The following PCDHGB4 variants were observed in gnomAD, a reference collection of about 807,000 sequenced individuals.
PCDHGB4 encodes protocadherin gamma-B4.
A neutral mutation model predicts 60.5 loss-of-function variants in PCDHGB4; 38 were observed. The ratio of observed to expected loss-of-function variants is 0.63; its 90% CI spans 0.48 to 0.82. The LOEUF is 0.82. PCDHGB4 is among the 40% of genes least tolerant of loss of function. PCDHGB4 has a pLI of 0.00. For synonymous variants in PCDHGB4, 456 were observed against 509.7 expected (o/e 0.89, Z 1.42); for missense variants, 1,109 against 1,209.6 (o/e 0.92, Z 1.23).
intron 2 of PCDHGB4, among the ~76,000 whole-genome samples, chr5:141,500,705 T>A (rs1169100560): frequency 6.6e-6 from 1 of 152,220 alleles, no homozygotes; most frequent in Non-Finnish European, 1.5e-5. Context: ...TTGCAGTGTA[T>A]CATGAGAATT....
chr5:141,419,010 G>A (rs2096312778), intron 1 of PCDHGB4: 2 of 1,613,866 alleles, frequency 1.2e-6, no homozygotes, highest in Non-Finnish European at 8.5e-7. Flanking sequence ...GAAGTCAGGT[G>A]TAGCTTAAGT....
chr5:141,509,046 C>T (rs1442220429), intron 3 of PCDHGB4, among the ~76,000 whole-genome samples: 1 of 152,160 alleles, frequency 6.6e-6, no homozygotes, highest in Non-Finnish European at 1.5e-5. Flanking sequence ...CTCTCCCCCG[C>T]CCCCAGAAAG....
chr5:141,431,012 G>A lies in PCDHGB4; in HGVS notation c.2397+40731G>A. On this transcript the variant is annotated intron_variant, in intron 1 of 3. Coordinates refer to ENST00000519479, the MANE Select transcript of PCDHGB4 (RefSeq NM_003736.4). This position sits in a 1 kb window ranked among gnomAD's most constrained non-coding sequence, Gnocchi z 4.8. The stretch of plus-strand genomic sequence containing the variant: ...CCTGAATCCGCGCAGCGGCAGCTTG[G>A]TCACGGCGGGCAGGATAGACCGGGA... 1 of 1,613,314 alleles carries A rather than the reference G, an allele frequency of 6.2e-7. No individual in the cohort carries two copies. Among genetic ancestry groups the A allele is most frequent in the South Asian group, 1.1e-5 (1 of 91,076 alleles).
intron 1 of PCDHGB4, among the ~76,000 whole-genome samples, chr5:141,400,819 C>T (rs1316119038): frequency 6.6e-6 from 1 of 152,132 alleles, no homozygotes; most frequent in Non-Finnish European, 1.5e-5. Context: ...TTTACCTATT[C>T]GTTGTCTCAT....
intron 1 of PCDHGB4, chr5:141,398,793 A>C (rs376843278): frequency 6.2e-7 from 1 of 1,613,948 alleles, no homozygotes; most frequent in African/African-American, 1.3e-5. Context: ...ATCCACCCCT[A>C]AGCGGCACCA....
intron 1 of PCDHGB4, among the ~76,000 whole-genome samples, chr5:141,457,612 G>T (rs1011626121): frequency 1.8e-4 from 27 of 152,232 alleles, no homozygotes; most frequent in Non-Finnish European, 2.9e-4. Flanking sequence ...AATTATGAAT[G>T]AACTTTAATC....
At chr5:141,394,852 C>T in intron 1 of PCDHGB4, 1 of 1,613,838 alleles carries the variant, frequency 6.2e-7, no homozygotes, top group Non-Finnish European at 8.5e-7. Flanking sequence ...AGTCTGAAGC[C>T]TTCGGTCGAC....
intron 1 of PCDHGB4, chr5:141,395,506 G>T: frequency 4.6e-6 from 2 of 433,794 alleles, no homozygotes; most frequent in Non-Finnish European, 8.1e-6. Flanking sequence ...CACTTAAGAA[G>T]TAGCTACCCG....
At position 141,494,841 on chromosome 5, in the gene PCDHGB4, A is replaced by G. The variant is rs1163193977; in HGVS notation, c.2432A>G (p.Gln811Arg). ...APPNTDWRFS[Q>R]AQRPGTSGSQ... ...CCCAACACGGACTGGCGTTTCTCTC[A>G]GGCCCAGAGACCCGGCACCAGCGGG... The change falls in exon 2 of 4, where the codon CAG (glutamine) becomes CGG (arginine). Residue 811 changes from glutamine to arginine, a missense_variant. Gln to Arg is a conservative substitution (Grantham distance 43). Coordinates refer to ENST00000519479, the MANE Select transcript of PCDHGB4 (RefSeq NM_003736.4). 1 of 1,613,996 alleles carries G rather than the reference A, an allele frequency of 6.2e-7. No homozygotes were observed. The highest frequency in any genetic ancestry group is 1.1e-5 in the South Asian group (1 of 91,074).
At chr5:141,469,792 A>G (rs989190786) in intron 1 of PCDHGB4, among the ~76,000 whole-genome samples, 1 of 152,194 alleles carries the variant, frequency 6.6e-6, no homozygotes, top group African/African-American at 2.4e-5. Flanking sequence ...GTTATTTGTA[A>G]TTGCAAAAAC....
chr5:141,417,414 A>G (rs1255289735), intron 1 of PCDHGB4: 1 of 157,986 alleles, frequency 6.3e-6, no homozygotes, highest in Non-Finnish European at 1.4e-5. Flanking sequence ...TTCAAGATAT[A>G]TGTAAATTCA....
intron 1 of PCDHGB4, among the ~76,000 whole-genome samples, chr5:141,450,397 C>T (rs529143168): frequency 6.6e-6 from 1 of 152,300 alleles, no homozygotes; most frequent in South Asian, 2.1e-4. Flanking sequence ...TTTGTAAAGA[C>T]TAGAAGCCAT....
At chr5:141,416,652 A>T (rs1028914487) in intron 1 of PCDHGB4, 1 of 152,240 alleles carries the variant, frequency 6.6e-6, no homozygotes, top group Non-Finnish European at 1.5e-5. Context: ...ACAGCTGTAA[A>T]AAAGAAAAGA....
At chr5:141,506,609 T>C (rs1375963880) in intron 3 of PCDHGB4, among the ~76,000 whole-genome samples, 1 of 152,184 alleles carries the variant, frequency 6.6e-6, no homozygotes, top group African/African-American at 2.4e-5. Context: ...GATCTCATTG[T>C]GGTGTTACCA....
At chr5:141,447,244 A>G (rs1475037979) in intron 1 of PCDHGB4, among the ~76,000 whole-genome samples, 1 of 152,062 alleles carries the variant, frequency 6.6e-6, no homozygotes, top group South Asian at 2.1e-4. Flanking sequence ...GGTTCAAGTG[A>G]TTCTTCTGTC....
intron 1 of PCDHGB4, chr5:141,419,210 G>A: frequency 6.2e-7 from 1 of 1,613,926 alleles, no homozygotes; most frequent in Non-Finnish European, 8.5e-7. Flanking sequence ...CAACGCGCCG[G>A]TTTTCGGACA....
At chr5:141,478,423 C>A (rs1355847104) in intron 1 of PCDHGB4, 1 of 1,613,672 alleles carries the variant, frequency 6.2e-7, no homozygotes, top group Admixed American at 1.7e-5. Context: ...CCCGCCGCAG[C>A]GACCCGCTGC....
In PCDHGB4 at chr5:141,432,887, T is replaced by G. The variant is rs146168033; in HGVS notation, c.2397+42606T>G. 2.8e-4 allele frequency: 451 copies of G among 1,614,156 alleles called. No individual in the cohort carries two copies. In the African/African-American group the frequency reaches 4.6e-3, roughly 17 times the overall value. ...CTGCGTCTTCCTGGCCTTCGTCATC[T>G]TGCTGCTGGCGCTCAGGCTGCGGCG... is the stretch of plus-strand genomic sequence containing the variant. On this transcript the variant is annotated intron_variant, in intron 1 of 3. Transcript: ENST00000519479. The surrounding 1 kb of genome is among the most constrained non-coding windows in gnomAD (Gnocchi z 6.0).
chr5:141,430,413 A>G lies in PCDHGB4; in HGVS notation c.2397+40132A>G, dbSNP rs1437560579. ...AAAAAAAAAGCTCACTAAAGTTTCTATTAAAGCGAATACGGTAGATTTCCA... is the reference window on the plus strand; with the variant it reads ...AAAAAAAAAGCTCACTAAAGTTTCTGTTAAAGCGAATACGGTAGATTTCCA... On this transcript the variant is annotated intron_variant, in intron 1 of 3. Coordinates refer to ENST00000519479, the MANE Select transcript of PCDHGB4 (RefSeq NM_003736.4). Among the ~76,000 whole-genome samples the G allele has an allele frequency of 2.0e-5, 3 of 151,870 alleles. No homozygotes were observed. In the South Asian group the frequency reaches 6.2e-4, roughly 31 times the overall value.
Sources: allele counts gnomAD v4.1 joint callset (sites outside exome capture counted in the v4.1 genomes callset), GRCh38; gene constraint gnomAD v4.1.1; non-coding constraint Gnocchi (gnomAD v3.1); transcripts MANE v1.5; gene names NCBI Gene and HGNC (gene_info 2026-07-23, HGNC 2026-07-21).